Variants in XXYLT1 observed in about 807,000 individuals in gnomAD.
XXYLT1 encodes UDP-xylose:alpha-xyloside alpha-1,3-xylosyltransferase.
A neutral mutation model predicts 28.9 loss-of-function variants in XXYLT1; 20 were observed. The ratio of observed to expected loss-of-function variants is 0.69; its 90% CI spans 0.49 to 1.00. The LOEUF (loss-of-function observed/expected upper bound fraction) is 1.00, where lower values mean the gene tolerates loss of function less well. XXYLT1 is among the 50% of genes least tolerant of loss of function. XXYLT1 has a pLI of 0.00. For synonymous variants in XXYLT1, 257 were observed against 253.8 expected (o/e 1.01, Z -0.12); for missense variants, 542 against 560.1 (o/e 0.97, Z 0.33).
intron 2 of XXYLT1, among the ~76,000 whole-genome samples, chr3:195,225,789 T>A (rs1282728277): frequency 6.6e-6 from 1 of 152,168 alleles, no homozygotes; most frequent in Non-Finnish European, 1.5e-5. Flanking sequence ...GCTGTTCTCA[T>A]GCTAGTGAGT....
At chr3:195,238,643 C>CT (rs1560168766) in intron 1 of XXYLT1, among the ~76,000 whole-genome samples, 1 of 152,198 alleles carries the variant, frequency 6.6e-6, no homozygotes, top group Non-Finnish European at 1.5e-5. Flanking sequence ...CCTGTGGTGT[C>CT]TGTCAGGGCC....
rs755347036 is a variant in XXYLT1, at chr3:195,109,717, AGT to A, written c.786-39608_786-39607del. On this transcript the variant is annotated intron_variant, in intron 3 of 3. Coordinates refer to ENST00000310380, the MANE Select transcript of XXYLT1 (RefSeq NM_152531.5). ...TGGTGTCTGGTGTGTGTGGTGTATG[AGT>A]GTGCGTGTGTGTGGTGTATGTGTTC... 1.3e-4 allele frequency among the ~76,000 whole-genome samples: 5 copies of A among 39,034 alleles called. 1 individual carries two copies. Among genetic ancestry groups the A allele is most frequent in the Non-Finnish European group, 2.7e-4 (5 of 18,478 alleles). The allele number at this position is 39,034 out of a possible 152,430, so 25.6% of individuals were successfully genotyped here. A position where few individuals can be genotyped will look rare whatever the true frequency, so the allele number is the denominator to read the frequency against.
At position 195,168,323 on chromosome 3, in the gene XXYLT1, C is replaced by T. The variant is rs1721230518; in HGVS notation, c.653-11742G>A. Among the ~76,000 whole-genome samples, 1 of 152,210 alleles carries T rather than the reference C, an allele frequency of 6.6e-6. No homozygotes were observed. Among genetic ancestry groups the T allele is most frequent in the Non-Finnish European group, 1.5e-5 (1 of 68,030 alleles). On this transcript the variant is annotated intron_variant, in intron 2 of 3. Coordinates refer to ENST00000310380, the MANE Select transcript of XXYLT1 (RefSeq NM_152531.5). The surrounding 1 kb of genome is among the most constrained non-coding windows in gnomAD (Gnocchi z 4.3). ...AACAGCACAAATATATCATCAGACACAGGAGATATACTCTACTGCGTTGTT... is the reference window on the plus strand; with the variant it reads ...AACAGCACAAATATATCATCAGACATAGGAGATATACTCTACTGCGTTGTT...
intron 1 of XXYLT1, among the ~76,000 whole-genome samples, 170 bp from the exon 2 acceptor site, chr3:195,227,026 C>A (rs1311075816): frequency 1.3e-5 from 2 of 152,056 alleles, no homozygotes; most frequent in African/African-American, 4.8e-5. Context: ...AAACGAGAAA[C>A]AACCAGGAGT....
chr3:195,254,100 A>AGG, intron 1 of XXYLT1, among the ~76,000 whole-genome samples: 1 of 151,940 alleles, frequency 6.6e-6, no homozygotes, highest in East Asian at 1.9e-4. Context: ...TCCCCCAAAG[A>AGG]CCCCCATAAA....
rs117161872 is a variant in XXYLT1 at position 195,201,900 on chromosome 3, C to T, written c.652+24809G>A. On this transcript the variant is annotated intron_variant, in intron 2 of 3. Coordinates refer to ENST00000310380, the MANE Select transcript of XXYLT1 (RefSeq NM_152531.5). ...ACCGACAACTAAGACTAGACAGGGC[C>T]GGGCGCGGTGGCTCACACCTGTAAT... 1.6e-3 allele frequency among the ~76,000 whole-genome samples: 251 copies of T among 152,258 alleles called. 3 individuals are homozygous for T. The East Asian group carries it at 0.038, about 23-fold the overall frequency.
chr3:195,159,562 CA>C (rs1720766167), intron 2 of XXYLT1, among the ~76,000 whole-genome samples: 1 of 152,200 alleles, frequency 6.6e-6, no homozygotes, highest in Non-Finnish European at 1.5e-5. Context: ...ATCTGCATAT[CA>C]TCCCATGGAA....
chr3:195,245,538 G>T (rs1239239414), intron 1 of XXYLT1, among the ~76,000 whole-genome samples: 1 of 152,144 alleles, frequency 6.6e-6, no homozygotes, highest in Non-Finnish European at 1.5e-5. Flanking sequence ...GAGGCAAGGG[G>T]TCCAGAAGCC....
chr3:195,104,498 T>C (rs1407576523), intron 3 of XXYLT1, among the ~76,000 whole-genome samples: 5 of 151,984 alleles, frequency 3.3e-5, no homozygotes, highest in Admixed American at 6.6e-5. Context: ...AAAGGGTATG[T>C]GAGATTCAGC....
Position 195,174,836 on chromosome 3 carries a change from C to T in XXYLT1, c.653-18255G>A, listed in dbSNP as rs567585794. 1.2e-4 allele frequency among the ~76,000 whole-genome samples: 18 copies of T among 151,524 alleles called. 1 individual carries two copies. The highest frequency in any genetic ancestry group is 2.4e-4 in the Non-Finnish European group (16 of 67,924). ...CCCACTATGTTGCCTGAGCTGGTCT[C>T]GGACTGGACTCAAGCGATCCTCCCT... On this transcript the variant is annotated intron_variant, in intron 2 of 3. Transcript: ENST00000310380.
intron 1 of XXYLT1, among the ~76,000 whole-genome samples, chr3:195,265,495 C>G (rs6792029): frequency 0.86 from 130,426 of 152,256 alleles, 56,023 homozygotes; most frequent in East Asian, 0.95. Flanking sequence ...TAGCACAAGG[C>G]AAATACCACA....
Position 195,270,877 on chromosome 3 carries a change from C to A in XXYLT1, c.182G>T (p.Gly61Val). ...ATKRLKEARAGAPAAPSPPAL... is the reference protein window; with the variant it reads ...ATKRLKEARAVAPAAPSPPAL... ...GGGCGGCGAGGGCGCGGCGGGAGCC[C>A]CGGCGCGGGCCTCCTTCAGCCTCTT... The change falls in exon 1 of 4, where the codon GGG becomes GTG. Residue 61 changes from glycine (G) to valine (V), a missense_variant. Physicochemically the swap from Gly to Val is moderately radical, Grantham distance 109. Transcript: ENST00000310380. 1 of 1,415,642 alleles carries A rather than the reference C, an allele frequency of 7.1e-7. No individual in the cohort carries two copies. Among genetic ancestry groups the A allele is most frequent in the Non-Finnish European group, 9.2e-7 (1 of 1,088,846 alleles). The allele number at this position is 1,415,642 out of a possible 1,614,324, so 87.7% of individuals were successfully genotyped here.
At chr3:195,198,075 T>A (rs1338691912) in intron 2 of XXYLT1, among the ~76,000 whole-genome samples, 1 of 152,194 alleles carries the variant, frequency 6.6e-6, no homozygotes, top group Non-Finnish European at 1.5e-5. Flanking sequence ...CAGAAGATAA[T>A]CCAATAACCA....
At chr3:195,234,517 C>A (rs1414854119) in intron 1 of XXYLT1, among the ~76,000 whole-genome samples, 1 of 151,750 alleles carries the variant, frequency 6.6e-6, no homozygotes, top group African/African-American at 2.4e-5. Flanking sequence ...CGGGGTTTCA[C>A]CATCTTGGCC....
At chr3:195,106,566 TGCAGATCCG>T (rs1487863811) in intron 3 of XXYLT1, among the ~76,000 whole-genome samples, 1 of 152,162 alleles carries the variant, frequency 6.6e-6, no homozygotes, top group Non-Finnish European at 1.5e-5. Context: ...TAGACCCGCG[TGCAGATCCG>T]GCCGCGACAC....
chr3:195,228,617 T>C (rs1410989631), intron 1 of XXYLT1, among the ~76,000 whole-genome samples: 8 of 150,380 alleles, frequency 5.3e-5, no homozygotes, highest in Non-Finnish European at 1.0e-4. Flanking sequence ...GCCTCCCAAG[T>C]ATCTGGGACT....
Position 195,270,861 on chromosome 3 carries a change from G to T in XXYLT1, c.198C>A (p.Pro66=). ...GCGCTAGCTCCAGCGCGGGCGGCGAGGGCGCGGCGGGAGCCCCGGCGCGGG... is the reference window on the plus strand; with the variant it reads ...GCGCTAGCTCCAGCGCGGGCGGCGATGGCGCGGCGGGAGCCCCGGCGCGGG... ...KEARAGAPAA[P]SPPALELARG... is the part of the protein sequence containing the mutation. The change falls in exon 1 of 4, where the codon CCC becomes CCA. Residue 66 remains proline, a synonymous_variant. Transcript: ENST00000310380. The T allele has an allele frequency of 1.4e-6, 2 of 1,406,854 alleles. No individual in the cohort carries two copies. Among genetic ancestry groups the T allele is most frequent in the Non-Finnish European group, 1.8e-6 (2 of 1,085,766 alleles). The allele number at this position is 1,406,854 out of a possible 1,614,324, so 87.1% of individuals were successfully genotyped here.
At chr3:195,203,284 T>C (rs1251580385) in intron 2 of XXYLT1, among the ~76,000 whole-genome samples, 1 of 152,236 alleles carries the variant, frequency 6.6e-6, no homozygotes, top group African/African-American at 2.4e-5. Context: ...CATAAAGAGT[T>C]CATAGAAAAG....
At chr3:195,212,855 T>C (rs565084202) in intron 2 of XXYLT1, among the ~76,000 whole-genome samples, 3 of 152,340 alleles carry the variant, frequency 2.0e-5, no homozygotes, top group South Asian at 2.1e-4. Flanking sequence ...TGAGGGTTGA[T>C]GTTGAGAACC....
Sources: allele counts gnomAD v4.1 joint callset (sites outside exome capture counted in the v4.1 genomes callset), GRCh38; gene constraint gnomAD v4.1.1; non-coding constraint Gnocchi (gnomAD v3.1); transcripts MANE v1.5; gene names NCBI Gene and HGNC (gene_info 2026-07-23, HGNC 2026-07-21).